Variants in DNAH7 observed in about 807,000 individuals in gnomAD.
The protein encoded by DNAH7 is axonemal beta dynein heavy chain 7.
A neutral mutation model predicts 444.6 loss-of-function variants in DNAH7; 397 were observed. The observed-to-expected ratio is 0.89, with a 90% confidence interval of 0.82 to 0.97. The LOEUF (loss-of-function observed/expected upper bound fraction) is 0.97. Among genes scored for constraint, DNAH7 ranks in the 50% least tolerant of loss-of-function variants. The pLI, the probability that DNAH7 is intolerant of heterozygous loss-of-function variation, is 0.00. For missense variants in DNAH7, 4,902 were observed against 4,800.8 expected, an observed-to-expected ratio of 1.02 and a Z score of -0.62; for synonymous variants, 1,636 against 1,624.4, an observed-to-expected ratio of 1.01 and a Z score of -0.17.
At chr2:195,930,416 A>G (rs1278757665) in intron 21 of DNAH7, among the ~76,000 whole-genome samples, 1 of 152,200 alleles carries the variant, frequency 6.6e-6, no homozygotes, top group East Asian at 1.9e-4. Flanking sequence ...ACCAAAAAAC[A>G]TATGAAAAAT....
In DNAH7 at chr2:195,740,703, TATATA is replaced by T. The variant is rs1692977888; in HGVS notation, c.11868+58_11868+62del. On this transcript the variant is annotated intron_variant, in intron 64 of 64. Coordinates refer to ENST00000312428, the MANE Select transcript of DNAH7 (RefSeq NM_018897.3). ...TACACACAATATGGGGTCTATTTTA[TATATA>T]ATATATAAAATATGTATAAAATAAT... 7.7e-6 allele frequency: 4 copies of T among 520,764 alleles called. 1 individual carries two copies. The South Asian group carries it at 2.2e-4, about 28-fold the overall frequency. The allele number at this position is 520,764 out of a possible 1,614,324, so 32.3% of individuals were successfully genotyped here. A position where few individuals can be genotyped will look rare whatever the true frequency, so the allele number is the denominator to read the frequency against.
intron 61 of DNAH7, among the ~76,000 whole-genome samples, chr2:195,769,776 C>T (rs1694750073): frequency 6.6e-6 from 1 of 151,992 alleles, no homozygotes; most frequent in Non-Finnish European, 1.5e-5. Context: ...GACCTGCTTG[C>T]CACCGAAAAA....
chr2:195,825,145 CT>C (rs1275518453), intron 48 of DNAH7: 3 of 152,134 alleles, frequency 2.0e-5, no homozygotes, highest in African/African-American at 7.2e-5. Flanking sequence ...CAGGTGGCAG[CT>C]ACTTGGGAGG....
chr2:195,976,282 G>A (rs1204804362), intron 15 of DNAH7, among the ~76,000 whole-genome samples: 2 of 152,138 alleles, frequency 1.3e-5, no homozygotes, highest in East Asian at 1.9e-4. Flanking sequence ...CATTGGCTGT[G>A]GCCTGGCAAT....
intron 24 of DNAH7, among the ~76,000 whole-genome samples, chr2:195,919,555 G>C (rs560010608): frequency 6.6e-6 from 1 of 152,214 alleles, no homozygotes; most frequent in South Asian, 2.1e-4. Flanking sequence ...ATGTTGGCCA[G>C]ACTGGTCTCA....
intron 24 of DNAH7, among the ~76,000 whole-genome samples, chr2:195,921,848 G>A (rs954295851): frequency 6.6e-5 from 10 of 151,616 alleles, no homozygotes; most frequent in South Asian, 4.2e-4. Context: ...AAGAAAGGAG[G>A]GATGGACAGC....
chr2:195,911,339 A>C (rs1687346957), intron 24 of DNAH7, among the ~76,000 whole-genome samples: 1 of 152,232 alleles, frequency 6.6e-6, no homozygotes. Flanking sequence ...TGAACAAGTT[A>C]AATAGCAGAA....
intron 61 of DNAH7, among the ~76,000 whole-genome samples, chr2:195,766,448 G>A (rs565386960): frequency 1.6e-4 from 25 of 152,088 alleles, no homozygotes; most frequent in African/African-American, 5.3e-4. Flanking sequence ...GATTACAGGC[G>A]TGAGCTACCA....
chr2:195,824,497 T>C (rs1697624355), intron 48 of DNAH7, 52 bp from the exon 49 acceptor site: 3 of 1,413,722 alleles, frequency 2.1e-6, no homozygotes, highest in Non-Finnish European at 1.9e-6. Context: ...TGACTATAAA[T>C]ATTATAAATA....
At chr2:196,000,985 T>C in intron 11 of DNAH7, 102 bp from the exon 12 acceptor site, 1 of 922,744 alleles carries the variant, frequency 1.1e-6, no homozygotes, top group African/African-American at 1.7e-5. Context: ...CCACACTTTC[T>C]CTTATGACCC....
Position 195,864,837 on chromosome 2 carries a change from A to T in DNAH7, c.6818T>A (p.Phe2273Tyr), listed in dbSNP as rs1293459156. ...GGTATCCTCCCTCTTGGGATCATGG[A>T]AATCACAAAACATTAAGCTGCGTAA... ...DDLRSLMFCD[F>Y]HDPKREDTNY... Residue 2273 changes from phenylalanine (F) to tyrosine (Y), a missense_variant, in exon 41 of 65, where the codon TTC (phenylalanine) becomes TAC (tyrosine). Coordinates refer to ENST00000312428, the MANE Select transcript of DNAH7 (RefSeq NM_018897.3). The T allele has an allele frequency of 6.2e-7, 1 of 1,614,192 alleles. No homozygotes were observed. Among genetic ancestry groups the T allele is most frequent in the South Asian group, 1.1e-5 (1 of 91,080 alleles).
At chr2:196,067,463 TTTTG>T (rs140728346) in intron 1 of DNAH7, among the ~76,000 whole-genome samples, 112,842 of 151,228 alleles carry the variant, frequency 0.75, 45,198 homozygotes, top group South Asian at 0.93. Context: ...TATCTGAACT[TTTTG>T]TTTTTTGCTT....
At chr2:195,751,364 C>T (rs1693787276) in intron 63 of DNAH7, among the ~76,000 whole-genome samples, 1 of 152,138 alleles carries the variant, frequency 6.6e-6, no homozygotes, top group Non-Finnish European at 1.5e-5. Flanking sequence ...CGAGTCCATA[C>T]ATTTTTAGTG....
rs770387590 is a variant in DNAH7, at chr2:195,777,846, T to G, written c.11018A>C (p.Tyr3673Ser). ...FNPELVENSD[Y>S]KFDSSGIYFV... is the part of the protein sequence containing the mutation. ...ATAGATGCCACTTGAGTCGAACTTA[T>G]AGTCTGAATTTTCAACTAATTCGGG... Residue 3673 changes from tyrosine to serine, a missense_variant, in exon 59 of 65, where the codon TAT becomes TCT. Tyr to Ser is a moderately radical substitution (Grantham distance 144). Coordinates refer to ENST00000312428, the MANE Select transcript of DNAH7 (RefSeq NM_018897.3). The G allele has an allele frequency of 6.2e-7, 1 of 1,614,104 alleles. No homozygotes were observed. Among genetic ancestry groups the G allele is most frequent in the Non-Finnish European group, 8.5e-7 (1 of 1,179,950 alleles).
At chr2:195,832,668 C>T (rs1230761309) in intron 48 of DNAH7, among the ~76,000 whole-genome samples, 2 of 151,996 alleles carry the variant, frequency 1.3e-5, no homozygotes, top group Admixed American at 6.6e-5. Context: ...CCTCAAACTC[C>T]TGGGTTCAAG....
At chr2:195,810,176 C>T (rs1559113013) in intron 51 of DNAH7, among the ~76,000 whole-genome samples, 1 of 151,838 alleles carries the variant, frequency 6.6e-6, no homozygotes. Context: ...TTTTTATCTA[C>T]AAAGCATTTC....
chr2:195,983,187 T>C (rs1692689630), intron 15 of DNAH7, among the ~76,000 whole-genome samples: 1 of 152,116 alleles, frequency 6.6e-6, no homozygotes, highest in Non-Finnish European at 1.5e-5. Context: ...AAAAACTTAA[T>C]GTTATAAGAA....
At chr2:195,803,188 G>C (rs896533498) in intron 54 of DNAH7, among the ~76,000 whole-genome samples, 1 of 151,978 alleles carries the variant, frequency 6.6e-6, no homozygotes, top group Non-Finnish European at 1.5e-5. Context: ...TTCTTCCCAC[G>C]GCTAACTTCA....
rs1448404616 is a variant in DNAH7, at chr2:195,970,025, C to T, written c.2128G>A (p.Gly710Arg). The T allele has an allele frequency of 4.3e-6, 7 of 1,612,736 alleles. No individual in the cohort carries two copies. The highest frequency in any genetic ancestry group is 1.6e-4 in the Middle Eastern group (1 of 6,074). Residue 710 changes from glycine (G) to arginine (R), a missense_variant, in exon 17 of 65, where the codon GGA becomes AGA. By Grantham distance (125) the Gly-to-Arg change is moderately radical. Coordinates refer to ENST00000312428, the MANE Select transcript of DNAH7 (RefSeq NM_018897.3). Reference sequence around the variant, plus strand: ...TACCGCTGAACATCCTGAAGATCTCCAAATGAATAAAATTCTTCTGATTGC... The same window carrying T: ...TACCGCTGAACATCCTGAAGATCTCTAAATGAATAAAATTCTTCTGATTGC... ...AKQSEEFYSF[G>R]DLQDVQRYLK...
Sources: gnomAD v4.1 joint callset for allele counts (sites outside exome capture counted in the v4.1 genomes callset) on GRCh38, gnomAD v4.1.1 for gene constraint, MANE v1.5 for transcripts, NCBI Gene and HGNC (gene_info 2026-07-23, HGNC 2026-07-21) for gene names.